The following CFAP61 variants were observed in gnomAD, a reference collection of about 807,000 sequenced individuals.
CFAP61 encodes cilia and flagella associated protein 61, also known as cilia- and flagella-associated protein 61.
Under a neutral mutation model 135.6 loss-of-function variants are expected in CFAP61, and 107 were observed. The ratio of observed to expected loss-of-function variants is 0.79; its 90% confidence interval spans 0.67 to 0.93. The LOEUF is 0.93. Ranked by LOEUF, CFAP61 falls within the 40% of genes least tolerant of loss-of-function variation. The pLI is 0.00. For missense variants in CFAP61, 1,507 were observed against 1,556.2 expected, an observed-to-expected ratio of 0.97 and a Z score of 0.53; for synonymous variants, 575 against 578.5, an observed-to-expected ratio of 0.99 and a Z score of 0.09.
rs73285334 is a variant in CFAP61 at position 20,291,816 on chromosome 20, C to T, written c.3216+1425C>T. On this transcript the variant is annotated intron_variant, in intron 24 of 26. Transcript: ENST00000245957. ...GATTCTCTGACCCATAGTCCCAGCC[C>T]GGTGTGTGTTGTCATCTGGGGGCTT... is the stretch of plus-strand genomic sequence containing the variant. 5.0e-3 allele frequency among the ~76,000 whole-genome samples: 754 copies of T among 152,274 alleles called. 8 individuals are homozygous for T. Among genetic ancestry groups the T allele is most frequent in the African/African-American group, 0.017 (703 of 41,558 alleles).
At chr20:20,312,668 C>T (rs1276766176) in intron 25 of CFAP61, among the ~76,000 whole-genome samples, 2 of 152,030 alleles carry the variant, frequency 1.3e-5, no homozygotes, top group African/African-American at 2.4e-5. Context: ...CTACTCAAAA[C>T]CCACAATAAA....
chr20:20,267,242 C>A (rs1205177260), intron 21 of CFAP61, among the ~76,000 whole-genome samples: 1 of 152,072 alleles, frequency 6.6e-6, no homozygotes, highest in African/African-American at 2.4e-5. Context: ...CCAAAAGACA[C>A]TGGGCCAACA....
intron 9 of CFAP61, among the ~76,000 whole-genome samples, chr20:20,155,755 A>G (rs541645419): frequency 6.6e-6 from 1 of 152,362 alleles, no homozygotes; most frequent in Non-Finnish European, 1.5e-5. Context: ...CTATAATTTA[A>G]AAATAAAAAA....
chr20:20,210,496 G>A (rs570846680), intron 17 of CFAP61, among the ~76,000 whole-genome samples: 1 of 152,332 alleles, frequency 6.6e-6, no homozygotes, highest in Non-Finnish European at 1.5e-5. Flanking sequence ...CTGCCCAAAG[G>A]CCTGGTGTCC....
chr20:20,161,121 A>C (rs1201018402), intron 10 of CFAP61, among the ~76,000 whole-genome samples: 1 of 152,210 alleles, frequency 6.6e-6, no homozygotes, highest in Middle Eastern at 3.2e-3. Flanking sequence ...CCACACTAGG[A>C]GACTCACTGA....
chr20:20,298,527 T>C, intron 25 of CFAP61, 141 bp downstream of exon 25: 1 of 716,268 alleles, frequency 1.4e-6, no homozygotes. Flanking sequence ...TTCGTTCTAA[T>C]GAAGAACACC....
chr20:20,154,050 A>AGGGATG (rs2052674751), intron 9 of CFAP61, among the ~76,000 whole-genome samples: 1 of 152,030 alleles, frequency 6.6e-6, no homozygotes, highest in Non-Finnish European at 1.5e-5. Context: ...GCAGGGTTTA[A>AGGGATG]CATATACAAG....
intron 1 of CFAP61, among the ~76,000 whole-genome samples, chr20:20,055,349 G>C (rs954926436): frequency 1.3e-5 from 2 of 152,080 alleles, no homozygotes; most frequent in African/African-American, 4.8e-5. Context: ...CAGTATTTTT[G>C]CTTTATTTTC....
At chr20:20,278,487 G>T (rs182323701) in intron 22 of CFAP61, among the ~76,000 whole-genome samples, 1 of 152,338 alleles carries the variant, frequency 6.6e-6, no homozygotes, top group Admixed American at 6.5e-5. Flanking sequence ...AACCTTGCTC[G>T]AAAGGGAAGC....
At position 20,170,166 on chromosome 20, in the gene CFAP61, A is replaced by C. The variant is rs77538022; in HGVS notation, c.1385+706A>C. Among the ~76,000 whole-genome samples the C allele has an allele frequency of 7.6e-3, 1,152 of 152,304 alleles. 9 individuals carry two copies. The highest frequency in any genetic ancestry group is 0.026 in the African/African-American group (1,082 of 41,562). On this transcript the variant is annotated intron_variant, in intron 13 of 26. Coordinates refer to ENST00000245957, the MANE Select transcript of CFAP61 (RefSeq NM_015585.4). ...GGCCCAGCCAGAGGAAGCTTTCTTG[A>C]GAAAGTAATACGGAGTGCTGGATGA...
intron 8 of CFAP61, among the ~76,000 whole-genome samples, chr20:20,114,923 GGTTT>G (rs1378839670): frequency 6.6e-6 from 1 of 151,998 alleles, no homozygotes; most frequent in Non-Finnish European, 1.5e-5. Flanking sequence ...TATTAGGAAT[GGTTT>G]GTTTGTTTTA....
chr20:20,356,478 A>G (rs1315361699), intron 26 of CFAP61, among the ~76,000 whole-genome samples: 3 of 102,754 alleles, frequency 2.9e-5, no homozygotes, highest in African/African-American at 4.2e-5. Context: ...CACTGAGGGG[A>G]GGTGGTCACA....
intron 18 of CFAP61, among the ~76,000 whole-genome samples, chr20:20,232,070 T>C (rs1395104778): frequency 6.6e-6 from 1 of 152,200 alleles, no homozygotes; most frequent in African/African-American, 2.4e-5. Context: ...CAGAAAGAGC[T>C]TGGCCTCAGC....
intron 21 of CFAP61, among the ~76,000 whole-genome samples, chr20:20,275,194 A>T (rs1348266787): frequency 1.3e-5 from 2 of 152,216 alleles, no homozygotes; most frequent in African/African-American, 4.8e-5. Flanking sequence ...GATGAAACAC[A>T]CATGGTGCAA....
At chr20:20,328,847 C>T (rs753465576) in intron 25 of CFAP61, among the ~76,000 whole-genome samples, 13 of 152,110 alleles carry the variant, frequency 8.5e-5, no homozygotes, top group South Asian at 6.2e-4. Flanking sequence ...ACCTCGTACC[C>T]GATAGGATGG....
chr20:20,348,814 AAACT>A (rs983038105), intron 26 of CFAP61, among the ~76,000 whole-genome samples: 1 of 148,196 alleles, frequency 6.7e-6, no homozygotes, highest in Non-Finnish European at 1.5e-5. Context: ...AAAAAAAAAC[AAACT>A]GTCAATAGAA....
intron 25 of CFAP61, among the ~76,000 whole-genome samples, chr20:20,315,750 A>G (rs1301229938): frequency 1.3e-5 from 2 of 152,168 alleles, no homozygotes; most frequent in African/African-American, 2.4e-5. Flanking sequence ...TCAGCTTTCT[A>G]CATATGGCTA....
At chr20:20,281,065 C>A (rs928389430) in intron 22 of CFAP61, among the ~76,000 whole-genome samples, 3 of 152,076 alleles carry the variant, frequency 2.0e-5, no homozygotes, top group Admixed American at 6.5e-5. Flanking sequence ...TTTGAAATTT[C>A]CAGTTGATCA....
At chr20:20,052,756 A>C (rs1360358929) in intron 1 of CFAP61, 165 bp downstream of exon 1, 1 of 1,561,698 alleles carries the variant, frequency 6.4e-7, no homozygotes, top group Non-Finnish European at 8.7e-7. Context: ...TCCAATCTGG[A>C]TGCTCGAGGG....
Sources: gnomAD v4.1 joint callset for allele counts (sites outside exome capture counted in the v4.1 genomes callset) on GRCh38, gnomAD v4.1.1 for gene constraint, MANE v1.5 for transcripts, NCBI Gene and HGNC (gene_info 2026-07-23, HGNC 2026-07-21) for gene names.